The following SNTG1 variants were observed in gnomAD, a reference collection of about 807,000 sequenced individuals.
SNTG1 encodes gamma-1-syntrophin.
A neutral mutation model predicts 74.7 loss-of-function variants in SNTG1; 39 were observed. That is an observed-to-expected ratio of 0.52 (90% CI 0.40 to 0.68). The LOEUF is 0.68. SNTG1 is among the 30% of genes least tolerant of loss of function. The pLI is 0.00. For missense variants in SNTG1, 685 were observed against 609.5 expected (o/e 1.12, Z -1.30); for synonymous variants, 254 against 217.1 (o/e 1.17, Z -1.49).
At chr8:50,305,185 G>A (rs986086071) in intron 2 of SNTG1, among the ~76,000 whole-genome samples, 2 of 152,048 alleles carry the variant, frequency 1.3e-5, no homozygotes, top group Non-Finnish European at 2.9e-5. Flanking sequence ...AAAGGAGTTG[G>A]TCATAGTCTT....
At chr8:49,997,329 C>G (rs1814322040) in intron 1 of SNTG1, among the ~76,000 whole-genome samples, 1 of 152,056 alleles carries the variant, frequency 6.6e-6, no homozygotes, top group African/African-American at 2.4e-5. Flanking sequence ...TCTTTAGTCC[C>G]CATGCCTTCA....
chr8:50,417,073 A>G (rs570223130), intron 4 of SNTG1, among the ~76,000 whole-genome samples: 2 of 152,306 alleles, frequency 1.3e-5, no homozygotes, highest in East Asian at 3.9e-4. Context: ...TTTTAAACCC[A>G]CTGGAAAATT....
intron 17 of SNTG1, among the ~76,000 whole-genome samples, chr8:50,740,691 T>G (rs1204579369): frequency 3.3e-5 from 5 of 152,076 alleles, no homozygotes; most frequent in African/African-American, 1.2e-4. Flanking sequence ...GATGCACAAG[T>G]ATGTTCACTG....
At chr8:50,607,375 T>A (rs1563640899) in intron 13 of SNTG1, among the ~76,000 whole-genome samples, 2 of 151,710 alleles carry the variant, frequency 1.3e-5, no homozygotes, top group African/African-American at 4.8e-5. Context: ...AACTATTTTT[T>A]TTTTGTTCTT....
intron 1 of SNTG1, among the ~76,000 whole-genome samples, chr8:50,024,494 T>C (rs558597718): frequency 6.6e-6 from 1 of 152,144 alleles, no homozygotes; most frequent in Non-Finnish European, 1.5e-5. Context: ...TTACTCTCAA[T>C]ACATTTTCTG....
intron 2 of SNTG1, among the ~76,000 whole-genome samples, chr8:50,227,598 T>C (rs747291537): frequency 6.6e-6 from 1 of 151,988 alleles, no homozygotes; most frequent in Non-Finnish European, 1.5e-5. Context: ...CATCATCAGG[T>C]TGTAGAATGA....
chr8:50,193,716 G>A (rs1041526269), intron 2 of SNTG1, among the ~76,000 whole-genome samples: 4 of 152,110 alleles, frequency 2.6e-5, no homozygotes, highest in African/African-American at 9.7e-5. Flanking sequence ...TGTTGAAGAA[G>A]AGTAGTGAGA....
At chr8:50,558,557 A>C (rs914649939) in intron 12 of SNTG1, among the ~76,000 whole-genome samples, 1 of 152,130 alleles carries the variant, frequency 6.6e-6, no homozygotes, top group African/African-American at 2.4e-5. Context: ...TTTATTGTAC[A>C]ATGTTCTCAG....
intron 4 of SNTG1, among the ~76,000 whole-genome samples, chr8:50,412,081 A>C (rs2092956771): frequency 6.6e-6 from 1 of 152,216 alleles, no homozygotes; most frequent in African/African-American, 2.4e-5. Flanking sequence ...CCACAGAAGG[A>C]TACCTTATTA....
chr8:50,706,364 G>A (rs983500402), intron 16 of SNTG1, among the ~76,000 whole-genome samples: 2 of 152,044 alleles, frequency 1.3e-5, no homozygotes, highest in Non-Finnish European at 2.9e-5. Context: ...TAATTTAATG[G>A]AATGTAAGTT....
chr8:49,971,457 A>G (rs1379294053), intron 1 of SNTG1, among the ~76,000 whole-genome samples: 2 of 152,184 alleles, frequency 1.3e-5, no homozygotes, highest in African/African-American at 4.8e-5. Context: ...AAACTGGCAC[A>G]AGACAGATGC....
rs1806783763 is a variant in SNTG1 at position 49,923,842 on chromosome 8, T to C, written c.-103+11611T>C. Among the ~76,000 whole-genome samples the C allele has an allele frequency of 2.0e-5, 3 of 152,320 alleles. No homozygotes were observed. In the South Asian group the frequency reaches 6.2e-4, roughly 32 times the overall value. ...AAGGAGATCATTTATAAATGCTGTC[T>C]TTATTTGGGAAATAATTATGGGATG... is the stretch of plus-strand genomic sequence containing the variant. On this transcript the variant is annotated intron_variant, in intron 1 of 18. Transcript: ENST00000642720.
chr8:50,747,274 G>T (rs1373898402), intron 17 of SNTG1, among the ~76,000 whole-genome samples: 1 of 151,960 alleles, frequency 6.6e-6, no homozygotes, highest in Non-Finnish European at 1.5e-5. Context: ...GAAGGGTTAT[G>T]CTTCAGTAAT....
chr8:50,734,584 C>G (rs971705414), intron 17 of SNTG1, among the ~76,000 whole-genome samples: 6 of 149,662 alleles, frequency 4.0e-5, no homozygotes, highest in African/African-American at 1.2e-4. Flanking sequence ...TATGTTGTTT[C>G]CAGAATCTTT....
At chr8:50,762,807 C>G in intron 18 of SNTG1, 1 of 446,352 alleles carries the variant, frequency 2.2e-6, no homozygotes, top group South Asian at 1.6e-5. Flanking sequence ...ATATTTAATT[C>G]TCTTTTAAGT....
intron 2 of SNTG1, among the ~76,000 whole-genome samples, chr8:50,195,898 G>A (rs1008413192): frequency 3.3e-5 from 5 of 152,070 alleles, no homozygotes; most frequent in Non-Finnish European, 7.3e-5. Flanking sequence ...GAGAGTTTGC[G>A]CAAGCTGCTC....
rs1396742795 is a variant in SNTG1 at position 50,795,232 on chromosome 8, C to T, written c.*2403C>T. On this transcript the variant is annotated 3_prime_UTR_variant, in exon 19 of 19. Transcript: ENST00000642720. The stretch of plus-strand genomic sequence containing the variant: ...TGATACTATTGATAAAAAACATAAG[C>T]CGTGATTTTTATTTAACATGATTAG... 6.6e-6 allele frequency: 1 copy of T among 151,796 alleles called. No homozygotes were observed. The highest frequency in any genetic ancestry group is 1.5e-5 in the Non-Finnish European group (1 of 67,926). The allele number at this position is 151,796 out of a possible 1,614,324, so 9.4% of individuals were successfully genotyped here. A position where few individuals can be genotyped will look rare whatever the true frequency, so the allele number is the denominator to read the frequency against.
intron 1 of SNTG1, among the ~76,000 whole-genome samples, chr8:49,926,341 A>T (rs568127660): frequency 6.6e-6 from 1 of 152,134 alleles, no homozygotes; most frequent in African/African-American, 2.4e-5. Context: ...TTTACAATTT[A>T]TATTTTTTAG....
chr8:50,714,391 G>T lies in SNTG1; in HGVS notation c.1284+5413G>T, dbSNP rs1363397237. On this transcript the variant is annotated intron_variant, in intron 17 of 18. Coordinates refer to ENST00000642720, the MANE Select transcript of SNTG1 (RefSeq NM_018967.5). ...CAAACTGCTGCTCAAGGAAATAAGA[G>T]AGGACACAAACAAATGAAAAAAAAA... Among the ~76,000 whole-genome samples, 3 of 148,332 alleles carry T rather than the reference G, an allele frequency of 2.0e-5. No homozygotes were observed. The Admixed American group carries it at 2.0e-4, about 10-fold the overall frequency.
Sources: allele counts gnomAD v4.1 joint callset (sites outside exome capture counted in the v4.1 genomes callset), GRCh38; gene constraint gnomAD v4.1.1; transcripts MANE v1.5; gene names NCBI Gene and HGNC (gene_info 2026-07-23, HGNC 2026-07-21).